Variants in ENTPD1 observed in about 807,000 individuals in gnomAD.
The protein encoded by ENTPD1 is ectonucleoside triphosphate diphosphohydrolase 1.
In ENTPD1, 33 loss-of-function variants were observed where a neutral mutation model predicts 57.0. That is an observed-to-expected ratio of 0.58 (90% CI 0.44 to 0.77). The LOEUF (loss-of-function observed/expected upper bound fraction) is 0.77, where lower values mean the gene tolerates loss of function less well. ENTPD1 is among the 30% of genes least tolerant of loss of function. ENTPD1 has a pLI of 0.00. For synonymous variants in ENTPD1, 202 were observed against 218.8 expected, an observed-to-expected ratio of 0.92 and a Z score of 0.68; for missense variants, 501 against 603.4, an observed-to-expected ratio of 0.83 and a Z score of 1.78.
chr10:95,748,100 C>G (rs563219339), intron 1 of ENTPD1, among the ~76,000 whole-genome samples: 2 of 152,242 alleles, frequency 1.3e-5, no homozygotes, highest in South Asian at 4.1e-4. Flanking sequence ...GCCTTGATCT[C>G]CTGACCTCGT....
At chr10:95,747,895 G>A (rs2098007743) in intron 1 of ENTPD1, among the ~76,000 whole-genome samples, 3 of 148,028 alleles carry the variant, frequency 2.0e-5, no homozygotes, top group African/African-American at 7.5e-5. Flanking sequence ...TTTTTGAAGT[G>A]GAGTCTCGCT....
At chr10:95,816,334 G>A (rs1416275833) in intron 1 of ENTPD1, among the ~76,000 whole-genome samples, 1 of 152,160 alleles carries the variant, frequency 6.6e-6, no homozygotes, top group Non-Finnish European at 1.5e-5. Flanking sequence ...ATTTACATCA[G>A]TGTAACTTTG....
At position 95,788,615 on chromosome 10, in the gene ENTPD1, C is replaced by CA. The variant is rs967333815; in HGVS notation, c.16+32369dup. Among the ~76,000 whole-genome samples the CA allele has an allele frequency of 1.3e-4, 15 of 118,240 alleles. No individual in the cohort carries two copies. The East Asian group carries it at 1.9e-3, about 15-fold the overall frequency. 77.6% of individuals were successfully genotyped at this position (118,240 alleles called of 152,430 possible). On this transcript the variant is annotated intron_variant, in intron 1 of 9. Transcript: ENST00000371205. ...CTGGGCGACAAAGTGAGACTCTGTCCAAAAAAAAAGAAAAAAAAGAAAAAA... is the reference window on the plus strand; with the variant it reads ...CTGGGCGACAAAGTGAGACTCTGTCCAAAAAAAAAAGAAAAAAAAGAAAAAA...
At chr10:95,821,929 C>T (rs2098353216) in intron 1 of ENTPD1, among the ~76,000 whole-genome samples, 1 of 151,158 alleles carries the variant, frequency 6.6e-6, no homozygotes, top group South Asian at 2.1e-4. Flanking sequence ...GGGAATGGTG[C>T]AACCATTTCA....
intron 1 of ENTPD1, among the ~76,000 whole-genome samples, chr10:95,817,983 A>G (rs1179206243): frequency 1.3e-5 from 2 of 152,228 alleles, no homozygotes; most frequent in Non-Finnish European, 2.9e-5. Context: ...CCCCTCTCCA[A>G]CAACTATAGA....
Position 95,800,774 on chromosome 10 carries a change from A to G in ENTPD1, c.17-22463A>G, listed in dbSNP as rs561794541. Among the ~76,000 whole-genome samples the G allele has an allele frequency of 2.8e-4, 42 of 152,290 alleles. No individual in the cohort carries two copies. In the South Asian group the frequency reaches 6.4e-3, roughly 23 times the overall value. ...CCGACCCCACAGGCAGTCAGACCTT[A>G]TGGTTATCTTTCCTCGTTCCCTGAA... On this transcript the variant is annotated intron_variant, in intron 1 of 9. Coordinates refer to ENST00000371205, the MANE Select transcript of ENTPD1 (RefSeq NM_001776.6).
rs777591961 is a variant in ENTPD1, at chr10:95,873,974, C to T, written c.*7591C>T. 6.6e-5 allele frequency among the ~76,000 whole-genome samples: 10 copies of T among 152,178 alleles called. No individual in the cohort carries two copies. The highest frequency in any genetic ancestry group is 1.2e-4 in the Non-Finnish European group (8 of 68,032). Reference sequence around the variant, plus strand: ...GATTCAATTACCTCCCACTGCGTCCCTCCCACAACATGTGGGAATTCTGGG... The same window carrying T: ...GATTCAATTACCTCCCACTGCGTCCTTCCCACAACATGTGGGAATTCTGGG... On this transcript the variant is annotated 3_prime_UTR_variant, in exon 10 of 10. Transcript: ENST00000371205.
In ENTPD1 at chr10:95,868,983, G is replaced by A; in HGVS notation, c.*2600G>A. On this transcript the variant is annotated 3_prime_UTR_variant, in exon 10 of 10. Transcript: ENST00000371205. Reference sequence around the variant, plus strand: ...TTTTGGCAGGAAGGTTGGTTTAGAGGCAGATCCAGCAATCTGCTTTGGGCC... The same window carrying A: ...TTTTGGCAGGAAGGTTGGTTTAGAGACAGATCCAGCAATCTGCTTTGGGCC... 4 of 985,342 alleles carry A rather than the reference G, an allele frequency of 4.1e-6. No individual in the cohort carries two copies. Among genetic ancestry groups the A allele is most frequent in the Non-Finnish European group, 4.8e-6 (4 of 829,922 alleles). 61.0% of individuals were successfully genotyped at this position (985,342 alleles called of 1,614,324 possible).
At chr10:95,776,129 C>T (rs1158232713) in intron 1 of ENTPD1, among the ~76,000 whole-genome samples, 1 of 152,258 alleles carries the variant, frequency 6.6e-6, no homozygotes, top group Non-Finnish European at 1.5e-5. Flanking sequence ...GAGCATTTAG[C>T]CCATTTACAT....
At position 95,867,480 on chromosome 10, in the gene ENTPD1, A is replaced by C. The variant is rs2098475719; in HGVS notation, c.*1097A>C. ...AGCCAAGCCACATCTTATTTTTCCA[A>C]GGTTTAATTTAGTGAGAGGGCAGCA... is the stretch of plus-strand genomic sequence containing the variant. On this transcript the variant is annotated 3_prime_UTR_variant, in exon 10 of 10. Coordinates refer to ENST00000371205, the MANE Select transcript of ENTPD1 (RefSeq NM_001776.6). The C allele has an allele frequency of 1.0e-6, 1 of 985,444 alleles. No homozygotes were observed. The highest frequency in any genetic ancestry group is 1.7e-5 in the African/African-American group (1 of 57,344). 61.0% of individuals were successfully genotyped at this position (985,444 alleles called of 1,614,324 possible).
chr10:95,719,359 C>T (rs1396713874), intron 1 of ENTPD1, among the ~76,000 whole-genome samples: 1 of 152,158 alleles, frequency 6.6e-6, no homozygotes, highest in Non-Finnish European at 1.5e-5. Flanking sequence ...TTCAGGTGTC[C>T]TTCTTACTAA....
At chr10:95,798,592 TCCCAGAGG>T (rs1333822951) in intron 1 of ENTPD1, among the ~76,000 whole-genome samples, 1 of 152,196 alleles carries the variant, frequency 6.6e-6, no homozygotes, top group Non-Finnish European at 1.5e-5. Flanking sequence ...GACAAGCCAT[TCCCAGAGG>T]TCAGTTCCAG....
chr10:95,821,874 AGTTTG>A (rs1162200656), intron 1 of ENTPD1, among the ~76,000 whole-genome samples: 1 of 151,712 alleles, frequency 6.6e-6, no homozygotes, highest in African/African-American at 2.4e-5. Context: ...GTTTGGGAAT[AGTTTG>A]GGGAGTTGAG....
intron 1 of ENTPD1, among the ~76,000 whole-genome samples, chr10:95,758,167 A>G (rs916649942): frequency 1.1e-4 from 17 of 152,120 alleles, no homozygotes; most frequent in African/African-American, 2.9e-4. Context: ...AAGGAACTGC[A>G]TCTTTCCTCA....
the ENTPD1 span, among the ~76,000 whole-genome samples, chr10:95,699,738 G>T: frequency 6.6e-6 from 1 of 152,050 alleles, no homozygotes; most frequent in Admixed American, 6.6e-5. Flanking sequence ...GACTTAAAAG[G>T]GTATATATTT....
At chr10:95,750,337 T>A (rs2098010378) in intron 1 of ENTPD1, among the ~76,000 whole-genome samples, 1 of 151,674 alleles carries the variant, frequency 6.6e-6, no homozygotes, top group African/African-American at 2.4e-5. Flanking sequence ...TGGTGGGAGG[T>A]GTTTGGGTCC....
rs1438496250 is a variant in ENTPD1 at position 95,868,583 on chromosome 10, ACT to A, written c.*2201_*2202del. The A allele has an allele frequency of 6.1e-6, 6 of 985,308 alleles. No individual in the cohort carries two copies. Among genetic ancestry groups the A allele is most frequent in the East Asian group, 1.1e-4 (1 of 8,832 alleles). The allele number at this position is 985,308 out of a possible 1,614,324, so 61.0% of individuals were successfully genotyped here. On this transcript the variant is annotated 3_prime_UTR_variant, in exon 10 of 10. Transcript: ENST00000371205. ...TTCCTTCTGTCTGCGTATACAAAGCACTGTCATGCACACAATCTATTCTGACC... is the reference window on the plus strand; with the variant it reads ...TTCCTTCTGTCTGCGTATACAAAGCAGTCATGCACACAATCTATTCTGACC...
intron 1 of ENTPD1, among the ~76,000 whole-genome samples, chr10:95,740,679 G>A (rs563232006): frequency 6.6e-6 from 1 of 152,226 alleles, no homozygotes; most frequent in Non-Finnish European, 1.5e-5. Flanking sequence ...TTGAAAATCT[G>A]TTGTTTCGTG....
intron 1 of ENTPD1, among the ~76,000 whole-genome samples, chr10:95,733,224 A>G (rs1173507050): frequency 2.6e-5 from 4 of 152,122 alleles, no homozygotes; most frequent in East Asian, 1.9e-4. Flanking sequence ...TATTTCTCCT[A>G]TTTACTTTTG....
Sources: gnomAD v4.1 joint callset for allele counts (sites outside exome capture counted in the v4.1 genomes callset) on GRCh38, gnomAD v4.1.1 for gene constraint, MANE v1.5 for transcripts, NCBI Gene and HGNC (gene_info 2026-07-23, HGNC 2026-07-21) for gene names.